The following RBFOX1 variants were observed in gnomAD, a reference collection of about 807,000 sequenced individuals.
The protein encoded by RBFOX1 is RNA binding fox-1 homolog 1.
A neutral mutation model predicts 57.7 loss-of-function variants in RBFOX1; 8 were observed. The observed-to-expected ratio is 0.14, with a 90% CI of 0.08 to 0.25. The LOEUF (loss-of-function observed/expected upper bound fraction) is 0.25. RBFOX1 is among the 10% of genes least tolerant of loss of function. RBFOX1 has a pLI of 1.00. For synonymous variants in RBFOX1, 326 were observed against 222.4 expected (o/e 1.47, Z -4.15); for missense variants, 611 against 548.5 (o/e 1.11, Z -1.14).
intron 4 of RBFOX1, among the ~76,000 whole-genome samples, chr16:7,231,541 G>A (rs1441116107): frequency 1.3e-5 from 2 of 152,136 alleles, no homozygotes; most frequent in Non-Finnish European, 2.9e-5. Flanking sequence ...CCAGTTAGAT[G>A]CCTAAAGGAA....
At chr16:6,208,554 C>T (rs1403693639) in intron 1 of RBFOX1, among the ~76,000 whole-genome samples, 1 of 152,174 alleles carries the variant, frequency 6.6e-6, no homozygotes, top group Non-Finnish European at 1.5e-5. Context: ...ACAATTCTCT[C>T]CCCTTTATCT....
At chr16:6,070,893 T>C (rs1365602819) in intron 1 of RBFOX1, among the ~76,000 whole-genome samples, 1 of 152,164 alleles carries the variant, frequency 6.6e-6, no homozygotes, top group Non-Finnish European at 1.5e-5. Flanking sequence ...TTTAATGTTT[T>C]TCATCTAATG....
rs1234239849 is a variant in RBFOX1 at position 5,555,985 on chromosome 16, C to T, written c.259-42917C>T. On this transcript the variant is annotated intron_variant, in intron 2 of 2. Transcript: ENST00000585867. ...GCAGCGAGCTGAGGTCATGCCATTG[C>T]ACTCCAGCCTGGGCAAGAGAGTGAG... Among the ~76,000 whole-genome samples, 4 of 152,110 alleles carry T rather than the reference C, an allele frequency of 2.6e-5. No homozygotes were observed. In the South Asian group the frequency reaches 6.2e-4, roughly 24 times the overall value.
intron 2 of RBFOX1, among the ~76,000 whole-genome samples, chr16:6,547,168 T>G (rs917157000): frequency 1.1e-4 from 16 of 152,236 alleles, no homozygotes; most frequent in African/African-American, 3.9e-4. Flanking sequence ...TTTTAATTGG[T>G]GGGGAAACGT....
At chr16:6,513,242 G>T (rs1327067309) in intron 2 of RBFOX1, among the ~76,000 whole-genome samples, 1 of 152,204 alleles carries the variant, frequency 6.6e-6, no homozygotes, top group East Asian at 1.9e-4. Flanking sequence ...GTTAGTGAAT[G>T]CTGGGCACTT....
intron 3 of RBFOX1, among the ~76,000 whole-genome samples, chr16:5,710,406 G>T (rs905102744): frequency 1.3e-5 from 2 of 152,166 alleles, no homozygotes; most frequent in African/African-American, 4.8e-5. Flanking sequence ...TTGCTGCTTG[G>T]TAGCCTTGCG....
At chr16:6,929,845 C>G (rs763231668) in intron 3 of RBFOX1, among the ~76,000 whole-genome samples, 3 of 152,090 alleles carry the variant, frequency 2.0e-5, no homozygotes, top group Non-Finnish European at 2.9e-5. Context: ...AAAGTTAAAT[C>G]TCTTTTCATC....
At chr16:5,579,377 A>G (rs1336964016) in intron 2 of RBFOX1, among the ~76,000 whole-genome samples, 1 of 151,952 alleles carries the variant, frequency 6.6e-6, no homozygotes, top group African/African-American at 2.4e-5. Flanking sequence ...CTCCTCTTCT[A>G]TGTGCCTCCC....
chr16:6,778,820 C>T (rs1470856469), intron 3 of RBFOX1, among the ~76,000 whole-genome samples: 3 of 151,712 alleles, frequency 2.0e-5, no homozygotes, highest in Non-Finnish European at 4.4e-5. Context: ...CCAATAAAAC[C>T]TATCAAAACA....
At position 7,481,888 on chromosome 16, in the gene RBFOX1, T is replaced by G. The variant is rs140646773; in HGVS notation, c.28-36259T>G. 4.9e-3 allele frequency among the ~76,000 whole-genome samples: 747 copies of G among 152,348 alleles called. 3 individuals are homozygous for G. The highest frequency in any genetic ancestry group is 0.017 in the African/African-American group (700 of 41,576). On this transcript the variant is annotated intron_variant, in intron 4 of 15. Coordinates refer to ENST00000550418, the MANE Select transcript of RBFOX1 (RefSeq NM_018723.4). ...AAACCATCTAACACAGAGGCTATCT[T>G]ACAATAAAGTGTTGAATATCTCATG...
intron 3 of RBFOX1, among the ~76,000 whole-genome samples, chr16:6,979,292 C>T (rs4130082): frequency 1.3e-5 from 2 of 152,084 alleles, no homozygotes; most frequent in African/African-American, 2.4e-5. Context: ...GGGGTCCTGT[C>T]TGATTAAACA....
At chr16:7,589,479 G>C (rs1381417493) in intron 7 of RBFOX1, among the ~76,000 whole-genome samples, 2 of 151,828 alleles carry the variant, frequency 1.3e-5, no homozygotes, top group African/African-American at 2.4e-5. Context: ...TCCAGAGCCT[G>C]ACTTTGTGAA....
intron 3 of RBFOX1, among the ~76,000 whole-genome samples, chr16:6,687,909 C>G (rs1568218658): frequency 6.6e-6 from 1 of 152,144 alleles, no homozygotes; most frequent in Non-Finnish European, 1.5e-5. Flanking sequence ...TTATTTCTCT[C>G]CACCGTATTT....
chr16:5,759,590 C>T (rs1368433679), intron 3 of RBFOX1, among the ~76,000 whole-genome samples: 1 of 152,214 alleles, frequency 6.6e-6, no homozygotes, highest in Non-Finnish European at 1.5e-5. Context: ...ACATGAGGTT[C>T]CTTTTGCCGC....
intron 4 of RBFOX1, among the ~76,000 whole-genome samples, chr16:7,432,423 A>T (rs183486899): frequency 6.1e-4 from 93 of 152,124 alleles, no homozygotes; most frequent in African/African-American, 2.2e-3. Flanking sequence ...TCCTAATGCA[A>T]TCGTTGTGCT....
intron 3 of RBFOX1, among the ~76,000 whole-genome samples, chr16:5,728,726 A>G (rs2052248131): frequency 6.6e-6 from 1 of 152,064 alleles, no homozygotes; most frequent in Non-Finnish European, 1.5e-5. Flanking sequence ...GTCTCCTGAA[A>G]TAAGATTTCT....
At position 7,382,283 on chromosome 16, in the gene RBFOX1, C is replaced by T. The variant is rs191042844; in HGVS notation, c.28-135864C>T. 2.4e-3 allele frequency among the ~76,000 whole-genome samples: 364 copies of T among 152,288 alleles called. 2 individuals are homozygous for T. Among genetic ancestry groups the T allele is most frequent in the African/African-American group, 8.1e-3 (338 of 41,558 alleles). On this transcript the variant is annotated intron_variant, in intron 4 of 15. Coordinates refer to ENST00000550418, the MANE Select transcript of RBFOX1 (RefSeq NM_018723.4). Reference sequence around the variant, plus strand: ...AAATATTTTAACAGTTGAGATTTATCTCATTTCATAAATTATATCATACTT... The same window carrying T: ...AAATATTTTAACAGTTGAGATTTATTTCATTTCATAAATTATATCATACTT...
At chr16:6,605,113 C>T (rs565610646) in intron 2 of RBFOX1, among the ~76,000 whole-genome samples, 11 of 152,138 alleles carry the variant, frequency 7.2e-5, no homozygotes, top group Non-Finnish European at 5.9e-5. Flanking sequence ...GTGGTGCGCA[C>T]CTGTAGTCTC....
At chr16:6,679,148 A>C (rs897089247) in intron 3 of RBFOX1, among the ~76,000 whole-genome samples, 10 of 152,120 alleles carry the variant, frequency 6.6e-5, no homozygotes, top group African/African-American at 2.4e-4. Context: ...ACTGAGGAAC[A>C]TTGCAGTGTT....
Sources: gnomAD v4.1 joint callset for allele counts (sites outside exome capture counted in the v4.1 genomes callset) on GRCh38, gnomAD v4.1.1 for gene constraint, MANE v1.5 for transcripts, NCBI Gene and HGNC (gene_info 2026-07-23, HGNC 2026-07-21) for gene names.